ZNF487: variants seen among roughly 807,000 people sequenced by gnomAD.
ZNF487 encodes KRAB domain only 1.
Under a neutral mutation model 3.0 loss-of-function variants are expected in ZNF487, and 4 were observed. That is an observed-to-expected ratio of 1.35 (90% confidence interval 0.66 to 3.08). ZNF487 has a LOEUF of 3.08. ZNF487 is among the 30% of genes most tolerant of loss of function. The pLI, the probability that ZNF487 is intolerant of heterozygous loss-of-function variation, is 0.01. For missense variants in ZNF487, 146 were observed against 98.7 expected, an observed-to-expected ratio of 1.48 and a Z score of -2.03; for synonymous variants, 55 against 34.6, an observed-to-expected ratio of 1.59 and a Z score of -2.06.
the ZNF487 span, chr10:43,496,065 G>A: frequency 9.4e-6 from 5 of 534,392 alleles, no homozygotes; most frequent in South Asian, 6.9e-5. Flanking sequence ...CAGGAGGAGT[G>A]GTAGCATCTG....
At chr10:43,439,239 C>T (rs2132025485) in intron 1 of ZNF487, among the ~76,000 whole-genome samples, 1 of 151,604 alleles carries the variant, frequency 6.6e-6, no homozygotes, top group African/African-American at 2.4e-5. Context: ...GAGATTCCGT[C>T]TCAAAAAAAA....
At chr10:43,448,912 C>G (rs755214635) in intron 1 of ZNF487, among the ~76,000 whole-genome samples, 20 of 150,208 alleles carry the variant, frequency 1.3e-4, no homozygotes, top group Admixed American at 3.4e-4. Flanking sequence ...AGGAGGATCA[C>G]TTGAGCAGGA....
the ZNF487 span, among the ~76,000 whole-genome samples, chr10:43,493,507 G>A: frequency 2.6e-5 from 4 of 151,230 alleles, no homozygotes; most frequent in African/African-American, 9.7e-5. Context: ...CAGCCTGGGC[G>A]ACATGGCGAA....
chr10:43,461,316 GTTTTTTTTTT>G lies in ZNF487; in HGVS notation c.-93-14396_-93-14387del, dbSNP rs138594367. Among the ~76,000 whole-genome samples the G allele has an allele frequency of 7.4e-5, 11 of 148,026 alleles. No individual in the cohort carries two copies. The East Asian group carries it at 2.2e-3, about 29-fold the overall frequency. On this transcript the variant is annotated intron_variant, in intron 1 of 3. Transcript: ENST00000437590. ...GCCAACATGCCCGGCCCAGTCTTTT[GTTTTTTTTTT>G]TTTTTTTTGAGACAAGGTCTTGCTC... is the stretch of plus-strand genomic sequence containing the variant.
Position 43,481,510 on chromosome 10 carries a change from A to G in ZNF487, c.212A>G (p.Asn71Ser). 2.8e-6 allele frequency: 2 copies of G among 717,112 alleles called. No homozygotes were observed. The highest frequency in any genetic ancestry group is 5.2e-6 in the Non-Finnish European group (2 of 385,000). 44.4% of individuals were successfully genotyped at this position (717,112 alleles called of 1,614,324 possible). Residue 71 changes from asparagine (N) to serine (S), a missense_variant, in exon 4 of 4, where the codon AAT becomes AGT. By Grantham distance (46) the Asn-to-Ser change is conservative. Transcript: ENST00000437590. ...QHLQKVDFVN[N>S]KTLTMDRNGV... ...TTGCAGAAAGTTGATTTTGTCAACA[A>G]TAAAACACTGACTATGGACAGAAAT... is the stretch of plus-strand genomic sequence containing the variant.
chr10:43,478,607 G>GT (rs1402825315), intron 3 of ZNF487, among the ~76,000 whole-genome samples: 6 of 152,040 alleles, frequency 3.9e-5, no homozygotes, highest in Non-Finnish European at 7.4e-5. Context: ...AGTAGTCTCA[G>GT]TTTTGGGAGG....
In ZNF487 at chr10:43,442,429, A is replaced by AATTT. The variant is rs566488632; in HGVS notation, c.-94+5192_-94+5195dup. 6.5e-3 allele frequency among the ~76,000 whole-genome samples: 984 copies of AATTT among 151,818 alleles called. 5 individuals are homozygous for AATTT. Among genetic ancestry groups the AATTT allele is most frequent in the African/African-American group, 0.018 (762 of 41,386 alleles). On this transcript the variant is annotated intron_variant, in intron 1 of 3. Coordinates refer to ENST00000437590, the MANE Select transcript of ZNF487 (RefSeq NM_001355444.3). ...CTCTTCATTTGCTTAGATTTTCCTGAATTTATTTATTTATTTATTTATTTA... is the reference window on the plus strand; with the variant it reads ...CTCTTCATTTGCTTAGATTTTCCTGAATTTATTTATTTATTTATTTATTTATTTA...
At chr10:43,446,296 G>A (rs1839796891) in intron 1 of ZNF487, among the ~76,000 whole-genome samples, 1 of 151,026 alleles carries the variant, frequency 6.6e-6, no homozygotes, top group Non-Finnish European at 1.5e-5. Flanking sequence ...GGTGGCTGCT[G>A]GGCGGGGGCG....
chr10:43,445,755 TAGAGG>T (rs1839773119), intron 1 of ZNF487, among the ~76,000 whole-genome samples: 1 of 151,936 alleles, frequency 6.6e-6, no homozygotes, highest in African/African-American at 2.4e-5. Flanking sequence ...CATAGGACAA[TAGAGG>T]AGAGAAGTTC....
At chr10:43,521,531 C>G in the ZNF487 span, among the ~76,000 whole-genome samples, 8 of 152,134 alleles carry the variant, frequency 5.3e-5, no homozygotes, top group Admixed American at 5.2e-4. Flanking sequence ...AGAACTGAAA[C>G]AAGAAGCTAG....
In ZNF487 at chr10:43,469,477, G is replaced by A. The variant is rs572286778; in HGVS notation, c.-93-6244G>A. ...TAAAGTGCTGGGATTACAGGCGTGA[G>A]CCACCGCGCCTGGCCATCATTTATT... is the stretch of plus-strand genomic sequence containing the variant. On this transcript the variant is annotated intron_variant, in intron 1 of 3. Transcript: ENST00000437590. Among the ~76,000 whole-genome samples, 152 of 152,100 alleles carry A rather than the reference G, an allele frequency of 1.0e-3. 1 individual carries two copies. The highest frequency in any genetic ancestry group is 1.4e-3 in the Non-Finnish European group (95 of 68,004).
chr10:43,515,807 G>T, the ZNF487 span, among the ~76,000 whole-genome samples: 1 of 151,874 alleles, frequency 6.6e-6, no homozygotes, highest in Non-Finnish European at 1.5e-5. Flanking sequence ...ACGGAGTCTC[G>T]CTCGGCCGCC....
Position 43,482,797 on chromosome 10 carries a change from A to G in ZNF487, c.*875A>G. Reference sequence around the variant, plus strand: ...TTCTCTGTGAAGTCAAAACTTAGAGAACATCAGAGAATTCACACAGGGGAG... The same window carrying G: ...TTCTCTGTGAAGTCAAAACTTAGAGGACATCAGAGAATTCACACAGGGGAG... On this transcript the variant is annotated 3_prime_UTR_variant, in exon 4 of 4. Transcript: ENST00000437590. The G allele has an allele frequency of 2.0e-6, 1 of 504,958 alleles. No individual in the cohort carries two copies. Among genetic ancestry groups the G allele is most frequent in the Middle Eastern group, 3.3e-4 (1 of 3,036 alleles). The allele number at this position is 504,958 out of a possible 1,614,324, so 31.3% of individuals were successfully genotyped here. A position where few individuals can be genotyped will look rare whatever the true frequency, so the allele number is the denominator to read the frequency against.
At chr10:43,494,206 G>A in the ZNF487 span, among the ~76,000 whole-genome samples, 7 of 152,112 alleles carry the variant, frequency 4.6e-5, no homozygotes, top group African/African-American at 1.7e-4. Context: ...TTGTGTGAAA[G>A]CAGCTTAGAC....
At chr10:43,449,077 T>C (rs1260970539) in intron 1 of ZNF487, among the ~76,000 whole-genome samples, 4 of 151,004 alleles carry the variant, frequency 2.6e-5, no homozygotes, top group African/African-American at 7.3e-5. Context: ...GCCAGGCAGA[T>C]TGCCTGAGCT....
At chr10:43,498,075 T>TATATATATATATATA in the ZNF487 span, among the ~76,000 whole-genome samples, 11 of 35,022 alleles carry the variant, frequency 3.1e-4, 1 homozygote, top group African/African-American at 1.6e-3. Context: ...ATTTGGTATT[T>TATATATATATATATA]TATATATATA....
rs763451709 is a variant in ZNF487, at chr10:43,441,034, A to ATTTTTTTTTTTTT, written c.-94+3794_-94+3806dup. On this transcript the variant is annotated intron_variant, in intron 1 of 3. Coordinates refer to ENST00000437590, the MANE Select transcript of ZNF487 (RefSeq NM_001355444.3). ...GGTAAATGCTACCACACCTGGTTAA[A>ATTTTTTTTTTTTT]TTTTTTTTTTTTTTTTTTTTTTTTT... Among the ~76,000 whole-genome samples, 53 of 44,548 alleles carry ATTTTTTTTTTTTT rather than the reference A, an allele frequency of 1.2e-3. 15 individuals carry two copies. Among genetic ancestry groups the ATTTTTTTTTTTTT allele is most frequent in the African/African-American group, 3.6e-3 (34 of 9,416 alleles). 29.2% of individuals were successfully genotyped at this position (44,548 alleles called of 152,430 possible). A position where few individuals can be genotyped will look rare whatever the true frequency, so the allele number is the denominator to read the frequency against.
intron 1 of ZNF487, among the ~76,000 whole-genome samples, chr10:43,464,894 C>G (rs1840608183): frequency 2.0e-5 from 3 of 152,206 alleles, no homozygotes; most frequent in Non-Finnish European, 2.9e-5. Context: ...GTACACCTCC[C>G]AGACGGGGTG....
chr10:43,494,354 A>G, the ZNF487 span, among the ~76,000 whole-genome samples: 1 of 152,334 alleles, frequency 6.6e-6, no homozygotes, highest in Non-Finnish European at 1.5e-5. Flanking sequence ...AATGTAAAAA[A>G]TGTAACAACC....
Sources: gnomAD v4.1 joint callset for allele counts (sites outside exome capture counted in the v4.1 genomes callset) on GRCh38, gnomAD v4.1.1 for gene constraint, MANE v1.5 for transcripts, NCBI Gene and HGNC (gene_info 2026-07-23, HGNC 2026-07-21) for gene names.